The following STAP1 variants were observed in gnomAD, a reference collection of about 807,000 sequenced individuals.
STAP1 encodes the protein signal transducing adaptor family member 1.
A neutral mutation model predicts 37.8 loss-of-function variants in STAP1; 30 were observed. That is an observed-to-expected ratio of 0.79 (90% confidence interval 0.59 to 1.08). The LOEUF is 1.08. STAP1 is among the 50% of genes least tolerant of loss of function. The probability of loss-of-function intolerance (pLI) is 0.00; values close to 1 mark genes in which losing one functional copy is unlikely to be tolerated. For missense variants in STAP1, 357 were observed against 349.4 expected, an observed-to-expected ratio of 1.02 and a Z score of -0.17; for synonymous variants, 130 against 116.0, an observed-to-expected ratio of 1.12 and a Z score of -0.78.
chr4:67,594,148 A>C (rs920816396), intron 8 of STAP1, among the ~76,000 whole-genome samples: 28 of 152,186 alleles, frequency 1.8e-4, no homozygotes, highest in Admixed American at 1.4e-3. Flanking sequence ...GAGAGAAAAT[A>C]TCTCCAGCTT....
At chr4:67,568,611 A>G (rs1312122921) in intron 1 of STAP1, among the ~76,000 whole-genome samples, 1 of 152,224 alleles carries the variant, frequency 6.6e-6, no homozygotes, top group African/African-American at 2.4e-5. Flanking sequence ...TGTAGAATCT[A>G]GAGTAATATG....
intron 8 of STAP1, among the ~76,000 whole-genome samples, chr4:67,601,163 G>A (rs993636739): frequency 6.6e-6 from 1 of 151,954 alleles, no homozygotes; most frequent in African/African-American, 2.4e-5. Flanking sequence ...ATACCATTAA[G>A]TTTTCAAATA....
At chr4:67,572,824 G>T (rs186840531) in intron 2 of STAP1, among the ~76,000 whole-genome samples, 8 of 152,138 alleles carry the variant, frequency 5.3e-5, no homozygotes, top group African/African-American at 1.7e-4. Flanking sequence ...TTTTAATTCC[G>T]GCTTTATAGA....
At chr4:67,567,201 CAAGA>C (rs1402096041) in intron 1 of STAP1, among the ~76,000 whole-genome samples, 1 of 152,154 alleles carries the variant, frequency 6.6e-6, no homozygotes, top group Non-Finnish European at 1.5e-5. Flanking sequence ...GGATTTCAGA[CAAGA>C]AAGAGAATCT....
intron 6 of STAP1, among the ~76,000 whole-genome samples, chr4:67,588,571 G>A (rs1371665591): frequency 8.6e-5 from 13 of 152,010 alleles, no homozygotes; most frequent in Admixed American, 1.3e-4. Flanking sequence ...CACCACGCCC[G>A]GCTAATTTTT....
intron 6 of STAP1, among the ~76,000 whole-genome samples, chr4:67,588,136 T>C (rs565845843): frequency 8.5e-5 from 13 of 152,080 alleles, no homozygotes; most frequent in Admixed American, 7.2e-4. Context: ...ATCTTGTTTT[T>C]TTCATCTCTT....
chr4:67,595,629 T>C (rs1031142687), intron 8 of STAP1, among the ~76,000 whole-genome samples: 3 of 152,224 alleles, frequency 2.0e-5, no homozygotes, highest in African/African-American at 7.2e-5. Flanking sequence ...TAATTTCCAA[T>C]GATATATGTT....
At chr4:67,602,867 A>C (rs1728373676) in intron 8 of STAP1, among the ~76,000 whole-genome samples, 2 of 152,004 alleles carry the variant, frequency 1.3e-5, no homozygotes, top group South Asian at 4.2e-4. Context: ...GCCAATGCCC[A>C]TGGTGACCAT....
At chr4:67,590,458 G>A (rs986104580) in intron 6 of STAP1, among the ~76,000 whole-genome samples, 1 of 152,122 alleles carries the variant, frequency 6.6e-6, no homozygotes, top group Non-Finnish European at 1.5e-5. Context: ...ATGTAGGGTA[G>A]AAAGCAATGT....
At chr4:67,604,702 A>C (rs1376269104) in intron 8 of STAP1, among the ~76,000 whole-genome samples, 1 of 152,222 alleles carries the variant, frequency 6.6e-6, no homozygotes, top group Non-Finnish European at 1.5e-5. Context: ...TATATCAAGT[A>C]ATTCTGAATT....
At chr4:67,596,020 T>C (rs1728216656) in intron 8 of STAP1, among the ~76,000 whole-genome samples, 1 of 152,222 alleles carries the variant, frequency 6.6e-6, no homozygotes, top group Admixed American at 6.5e-5. Flanking sequence ...GTAAATGATA[T>C]TCTGTAACAT....
At chr4:67,564,238 G>A (rs1033865670) in intron 1 of STAP1, among the ~76,000 whole-genome samples, 3 of 151,980 alleles carry the variant, frequency 2.0e-5, no homozygotes, top group East Asian at 1.9e-4. Flanking sequence ...TTTCCTCCAG[G>A]GCTGCCTTTG....
intron 1 of STAP1, among the ~76,000 whole-genome samples, chr4:67,570,147 T>A (rs888746871): frequency 2.6e-5 from 4 of 152,300 alleles, no homozygotes; most frequent in South Asian, 4.1e-4. Context: ...CTGTTAGTTA[T>A]GTTTTTTCAA....
At chr4:67,593,233 G>T in intron 7 of STAP1, 27 bp from the exon 8 acceptor site, 1 of 1,545,800 alleles carries the variant, frequency 6.5e-7, no homozygotes, top group Non-Finnish European at 8.9e-7. Context: ...GTGATGCTGA[G>T]TTTTCTCTCA....
chr4:67,559,570 T>A (rs1407964005), intron 1 of STAP1, among the ~76,000 whole-genome samples: 1 of 152,128 alleles, frequency 6.6e-6, no homozygotes, highest in Non-Finnish European at 1.5e-5. Flanking sequence ...ATTCTGTATT[T>A]TTAAATGTAA....
chr4:67,570,356 T>C (rs1435546679), intron 1 of STAP1, among the ~76,000 whole-genome samples: 2 of 152,216 alleles, frequency 1.3e-5, no homozygotes, highest in Non-Finnish European at 2.9e-5. Flanking sequence ...TGCATTGTGC[T>C]ACAACATTAT....
rs1443089419 is a variant in STAP1 at position 67,580,278 on chromosome 4, AT to A, written c.364-1020del. Among the ~76,000 whole-genome samples, 6 of 151,704 alleles carry A rather than the reference AT, an allele frequency of 4.0e-5. No homozygotes were observed. The East Asian group carries it at 1.2e-3, about 29-fold the overall frequency. On this transcript the variant is annotated intron_variant, in intron 4 of 8. Coordinates refer to ENST00000265404, the MANE Select transcript of STAP1 (RefSeq NM_012108.4). The stretch of plus-strand genomic sequence containing the variant: ...ATTAGGTATTTTCCCCCATTATTTC[AT>A]TTTTTTCTGGTATATATGGAAATTG...
At chr4:67,580,048 G>A (rs552222648) in intron 4 of STAP1, among the ~76,000 whole-genome samples, 4 of 152,068 alleles carry the variant, frequency 2.6e-5, no homozygotes, top group African/African-American at 4.8e-5. Flanking sequence ...TATTAGAAAC[G>A]GGTTTCATAA....
chr4:67,567,541 A>C (rs1189538209), intron 1 of STAP1, among the ~76,000 whole-genome samples: 1 of 152,204 alleles, frequency 6.6e-6, no homozygotes, highest in African/African-American at 2.4e-5. Context: ...AAGAGGCTGA[A>C]TCTATTTCTC....
Sources: gnomAD v4.1 joint callset for allele counts (sites outside exome capture counted in the v4.1 genomes callset) on GRCh38, gnomAD v4.1.1 for gene constraint, MANE v1.5 for transcripts, NCBI Gene and HGNC (gene_info 2026-07-23, HGNC 2026-07-21) for gene names.